GUF1: variants seen among roughly 807,000 people sequenced by gnomAD.
GUF1 encodes GTP binding elongation factor GUF1.
In GUF1, 78 loss-of-function variants were observed where a neutral mutation model predicts 82.4. The ratio of observed to expected loss-of-function variants is 0.95; its 90% CI spans 0.79 to 1.14. The LOEUF is 1.14. Ranked by LOEUF, GUF1 falls within the 50% of genes most tolerant of loss-of-function variation. The pLI is 0.00. For missense variants in GUF1, 814 were observed against 798.2 expected, an observed-to-expected ratio of 1.02 and a Z score of -0.24; for synonymous variants, 279 against 282.3, an observed-to-expected ratio of 0.99 and a Z score of 0.12.
rs773228432 is a variant in GUF1, at chr4:44,680,832, T to C, written c.416T>C (p.Ile139Thr). 3.7e-5 allele frequency: 60 copies of C among 1,607,294 alleles called. No homozygotes were observed. The highest frequency in any genetic ancestry group is 4.9e-5 in the Non-Finnish European group (58 of 1,176,622). The change falls in exon 3 of 17, where the codon ATT becomes ACT. Residue 139 changes from isoleucine (I) to threonine (T), a missense_variant. Ile to Thr is a moderately conservative substitution (Grantham distance 89). Coordinates refer to ENST00000281543, the MANE Select transcript of GUF1 (RefSeq NM_021927.3). ...CEGKQYLLNLIDTPGHVDFSY... is the reference protein window; with the variant it reads ...CEGKQYLLNLTDTPGHVDFSY... ...GGAAAGCAGTACCTTTTAAATCTCA[T>C]TGATACACCGGTAAGTTTAATATTA...
At chr4:44,681,755 G>A (rs1714785490) in intron 4 of GUF1, among the ~76,000 whole-genome samples, 1 of 151,902 alleles carries the variant, frequency 6.6e-6, no homozygotes, top group South Asian at 2.1e-4. Flanking sequence ...CTTTTTTTTA[G>A]TGGTGGTGGT....
At position 44,694,508 on chromosome 4, in the gene GUF1, A is replaced by C; in HGVS notation, c.1710A>C (p.Val570=). The change falls in exon 14 of 17, where the codon GTA becomes GTC. Residue 570 remains valine, a synonymous_variant. Coordinates refer to ENST00000281543, the MANE Select transcript of GUF1 (RefSeq NM_021927.3). ...CTGTAGAGGAGCTAGTAACTGTTGT[A>C]CACAAGTAAGTTCAATAGAAACTAA... ...GNTVEELVTV[V]HKDKAHSIGK... 6.5e-7 allele frequency: 1 copy of C among 1,534,790 alleles called. No individual in the cohort carries two copies. Among genetic ancestry groups the C allele is most frequent in the Non-Finnish European group, 9.0e-7 (1 of 1,113,430 alleles).
chr4:44,698,862 C>G lies in GUF1; in HGVS notation c.*181C>G, dbSNP rs1577572656. ...AGATTTTGAAGCCATGTTGCCTGTT[C>G]TCAAATATCTGTTCCAACCACTCAC... On this transcript the variant is annotated 3_prime_UTR_variant, in exon 17 of 17. Transcript: ENST00000281543. 2 of 559,578 alleles carry G rather than the reference C, an allele frequency of 3.6e-6. No individual in the cohort carries two copies. The highest frequency in any genetic ancestry group is 6.3e-5 in the East Asian group (2 of 31,832). 34.7% of individuals were successfully genotyped at this position (559,578 alleles called of 1,614,324 possible).
intron 13 of GUF1, 92 bp from the exon 14 acceptor site, chr4:44,694,320 G>T (rs533996220): frequency 2.6e-6 from 2 of 767,916 alleles, no homozygotes; most frequent in East Asian, 5.1e-5. Context: ...GTGTAATGCG[G>T]TAGAAAGTAG....
chr4:44,681,293 AT>A, intron 4 of GUF1, 90 bp downstream of exon 4: 1 of 942,206 alleles, frequency 1.1e-6, no homozygotes, highest in Non-Finnish European at 1.7e-6. Flanking sequence ...TGGAAATAGA[AT>A]TTTTGTGTTT....
At chr4:44,684,583 G>C (rs1371940543) in intron 6 of GUF1, among the ~76,000 whole-genome samples, 1 of 152,036 alleles carries the variant, frequency 6.6e-6, no homozygotes, top group Non-Finnish European at 1.5e-5. Flanking sequence ...GGTATAAGAA[G>C]AGATACAGGG....
rs150995314 is a variant in GUF1 at position 44,692,670 on chromosome 4, GAGTT to G, written c.1613+874_1613+877del. On this transcript the variant is annotated intron_variant, in intron 13 of 16. Transcript: ENST00000281543. ...TATTTAATCATCTTGTCAGTGAAGA[GAGTT>G]AGCATATATAATTCTTCTTACCAAG... 1.6e-3 allele frequency among the ~76,000 whole-genome samples: 241 copies of G among 152,030 alleles called. 1 individual carries two copies. Among genetic ancestry groups the G allele is most frequent in the African/African-American group, 5.6e-3 (233 of 41,532 alleles).
chr4:44,678,545 G>A lies in GUF1; in HGVS notation c.-78G>A. 8.5e-7 allele frequency: 1 copy of A among 1,175,036 alleles called. No individual in the cohort carries two copies. Among genetic ancestry groups the A allele is most frequent in the Non-Finnish European group, 1.1e-6 (1 of 884,978 alleles). 72.8% of individuals were successfully genotyped at this position (1,175,036 alleles called of 1,614,324 possible). On this transcript the variant is annotated 5_prime_UTR_variant, in exon 1 of 17. Coordinates refer to ENST00000281543, the MANE Select transcript of GUF1 (RefSeq NM_021927.3). ...GAGTCCTGTCCACCGGATCCTACGG[G>A]GGGTACCTTCGAAAAAAAACGGGCT... is the stretch of plus-strand genomic sequence containing the variant.
chr4:44,694,386 T>C, intron 13 of GUF1, 26 bp from the exon 14 acceptor site: 1 of 1,381,128 alleles, frequency 7.2e-7, no homozygotes, highest in South Asian at 1.2e-5. Flanking sequence ...GTGTAATATT[T>C]ATCACTTGGA....
intron 14 of GUF1, 60 bp downstream of exon 14, chr4:44,694,573 A>AAATAAAT: frequency 1.8e-6 from 2 of 1,090,514 alleles, no homozygotes; most frequent in African/African-American, 1.6e-5. Context: ...TTTTTCATTT[A>AAATAAAT]TTTTTGTTTG....
rs765696727 is a variant in GUF1 at position 44,688,076 on chromosome 4, A to G, written c.1008A>G (p.Thr336=). 23 of 1,612,394 alleles carry G rather than the reference A, an allele frequency of 1.4e-5. No homozygotes were observed. Among genetic ancestry groups the G allele is most frequent in the Admixed American group, 3.3e-5 (2 of 59,924 alleles). ...KDVTEAQIGD[T]LCLHKQPVEP... Reference sequence around the variant, plus strand: ...TCACTGAAGCGCAAATAGGAGATACATTATGTTTACATAAGCAACCAGTGG... The same window carrying G: ...TCACTGAAGCGCAAATAGGAGATACGTTATGTTTACATAAGCAACCAGTGG... Residue 336 remains threonine (T), a synonymous_variant, in exon 9 of 17, where the codon ACA becomes ACG. Coordinates refer to ENST00000281543, the MANE Select transcript of GUF1 (RefSeq NM_021927.3).
At chr4:44,683,099 TACTGC>T in intron 5 of GUF1, 131 bp from the exon 6 acceptor site, 1 of 521,596 alleles carries the variant, frequency 1.9e-6, no homozygotes, top group Non-Finnish European at 3.4e-6. Flanking sequence ...TAGATTATTT[TACTGC>T]TTTTGAAAAA....
At chr4:44,679,252 G>C (rs1452894090) in intron 1 of GUF1, among the ~76,000 whole-genome samples, 1 of 152,164 alleles carries the variant, frequency 6.6e-6, no homozygotes, top group East Asian at 1.9e-4. Flanking sequence ...AGATTTGTGT[G>C]ATGTGAGAAG....
chr4:44,691,795 G>A lies in GUF1; in HGVS notation c.1609G>A (p.Ala537Thr). ...DSLKSLSSGY[A>T]SFDYEDAGYQ... ...TTTGAAATCCCTATCTTCTGGATAT[G>A]CTAGGTAAAAAAATAATGAGAACCT... The change falls in exon 13 of 17, where the codon GCT (alanine) becomes ACT (threonine). Residue 537 changes from alanine (A) to threonine (T), a missense_variant. Coordinates refer to ENST00000281543, the MANE Select transcript of GUF1 (RefSeq NM_021927.3). 6.3e-7 allele frequency: 1 copy of A among 1,578,114 alleles called. No individual in the cohort carries two copies. Among genetic ancestry groups the A allele is most frequent in the Non-Finnish European group, 8.6e-7 (1 of 1,165,850 alleles).
Position 44,700,794 on chromosome 4 carries a change from C to G in GUF1, c.*2113C>G, listed in dbSNP as rs1031519945. ...TGTAGAAGTAGCCTGTGATATAGTC[C>G]TAGATACATACATTATCATCTTATG... On this transcript the variant is annotated 3_prime_UTR_variant, in exon 17 of 17. Coordinates refer to ENST00000281543, the MANE Select transcript of GUF1 (RefSeq NM_021927.3). The G allele has an allele frequency of 6.6e-6, 1 of 152,106 alleles. No individual in the cohort carries two copies. The highest frequency in any genetic ancestry group is 2.4e-5 in the African/African-American group (1 of 41,410). The allele number at this position is 152,106 out of a possible 1,614,324, so 9.4% of individuals were successfully genotyped here.
chr4:44,696,147 C>T (rs1715809475), intron 15 of GUF1, among the ~76,000 whole-genome samples: 2 of 152,158 alleles, frequency 1.3e-5, no homozygotes, highest in South Asian at 4.2e-4. Flanking sequence ...AATATTGCTT[C>T]CCCACTTCCG....
At chr4:44,695,265 A>G (rs1397199378) in intron 14 of GUF1, among the ~76,000 whole-genome samples, 3 of 152,370 alleles carry the variant, frequency 2.0e-5, no homozygotes, top group South Asian at 2.1e-4. Context: ...TAAAGAGGGT[A>G]GAATATATCG....
chr4:44,682,327 T>C lies in GUF1; in HGVS notation c.508-7T>C. 6.7e-7 allele frequency: 1 copy of C among 1,496,692 alleles called. No homozygotes were observed. Among genetic ancestry groups the C allele is most frequent in the Admixed American group, 2.3e-5 (1 of 43,864 alleles). 92.7% of individuals were successfully genotyped at this position (1,496,692 alleles called of 1,614,324 possible). On this transcript the variant is annotated splice_polypyrimidine_tract_variant and splice_region_variant and intron_variant, in intron 4 of 16. Coordinates refer to ENST00000281543, the MANE Select transcript of GUF1 (RefSeq NM_021927.3). ...CATCTCAGTATCTTGTATCTTGATA[T>C]TTTCAGGGAATTCAAGCCCAAACTG...
chr4:44,678,681 C>T lies in GUF1; in HGVS notation c.59C>T (p.Thr20Ile). 1.3e-6 allele frequency: 2 copies of T among 1,501,364 alleles called. No homozygotes were observed. The highest frequency in any genetic ancestry group is 8.8e-7 in the Non-Finnish European group (1 of 1,139,166). The allele number at this position is 1,501,364 out of a possible 1,614,324, so 93.0% of individuals were successfully genotyped here. ...GCARALAPRATGAALLVAPGP... is the reference protein window; with the variant it reads ...GCARALAPRAIGAALLVAPGP... ...GCACGCGCTCTCGCGCCACGAGCCA[C>T]TGGGGCCGCGCTTCTGGTGGCCCCG... The change falls in exon 1 of 17, where the codon ACT (threonine) becomes ATT (isoleucine). Residue 20 changes from threonine (T) to isoleucine (I), a missense_variant. Physicochemically the swap from Thr to Ile is moderately conservative, Grantham distance 89. Transcript: ENST00000281543.
Sources: allele counts gnomAD v4.1 joint callset (sites outside exome capture counted in the v4.1 genomes callset), GRCh38; gene constraint gnomAD v4.1.1; transcripts MANE v1.5; gene names NCBI Gene and HGNC (gene_info 2026-07-23, HGNC 2026-07-21).